CNTN5: variants seen among roughly 807,000 people sequenced by gnomAD.
The protein encoded by CNTN5 is contactin-5.
A neutral mutation model predicts 129.1 loss-of-function variants in CNTN5; 77 were observed. The observed-to-expected ratio is 0.60, with a 90% CI of 0.50 to 0.72. The LOEUF is 0.72. CNTN5 is among the 30% of genes least tolerant of loss of function. The pLI, the probability that CNTN5 is intolerant of heterozygous loss-of-function variation, is 0.00. For synonymous variants in CNTN5, 509 were observed against 465.6 expected, an observed-to-expected ratio of 1.09 and a Z score of -1.20; for missense variants, 1,478 against 1,328.8, an observed-to-expected ratio of 1.11 and a Z score of -1.75.
chr11:99,452,266 T>G (rs1234692934), intron 2 of CNTN5, among the ~76,000 whole-genome samples: 1 of 151,938 alleles, frequency 6.6e-6, no homozygotes, highest in East Asian at 1.9e-4. Flanking sequence ...TAGTGTCTCG[T>G]CAGCACTAAT....
At chr11:100,337,934 A>G (rs993236453) in intron 21 of CNTN5, among the ~76,000 whole-genome samples, 1 of 152,226 alleles carries the variant, frequency 6.6e-6, no homozygotes. Flanking sequence ...TCTCCACAAC[A>G]GGGAGAACCA....
At chr11:99,535,307 T>C (rs1287482084) in intron 2 of CNTN5, among the ~76,000 whole-genome samples, 2 of 152,056 alleles carry the variant, frequency 1.3e-5, no homozygotes, top group East Asian at 1.9e-4. Context: ...ACATGGAAAA[T>C]TTAGGAAGAT....
At chr11:99,866,577 T>A (rs1225088022) in intron 6 of CNTN5, among the ~76,000 whole-genome samples, 1 of 152,208 alleles carries the variant, frequency 6.6e-6, no homozygotes, top group Admixed American at 6.5e-5. Flanking sequence ...TTTGGGACAC[T>A]TGGTACTAAA....
In CNTN5 at chr11:99,102,708, G is replaced by T. The variant is rs139463483; in HGVS notation, c.-210+81438G>T. 7.8e-3 allele frequency among the ~76,000 whole-genome samples: 1,194 copies of T among 152,176 alleles called. 20 individuals are homozygous for T. The highest frequency in any genetic ancestry group is 0.027 in the African/African-American group (1,109 of 41,526). On this transcript the variant is annotated intron_variant, in intron 1 of 24. Transcript: ENST00000524871. ...TTGTCTATATCGTTATCAGCATTTT[G>T]GTCAAAGCCATTCAACAAGTCTCTG...
chr11:99,516,055 T>C (rs1335993643), intron 2 of CNTN5, among the ~76,000 whole-genome samples: 2 of 151,892 alleles, frequency 1.3e-5, no homozygotes, highest in Non-Finnish European at 2.9e-5. Flanking sequence ...GTGGTTCACA[T>C]ATGATTATGT....
At chr11:99,436,519 A>G (rs997577047) in intron 2 of CNTN5, among the ~76,000 whole-genome samples, 4 of 152,102 alleles carry the variant, frequency 2.6e-5, no homozygotes, top group Admixed American at 2.6e-4. Context: ...CAGTTTCCCC[A>G]TCTTGTATCT....
intron 3 of CNTN5, among the ~76,000 whole-genome samples, chr11:99,602,610 C>A (rs977635673): frequency 1.3e-5 from 2 of 151,966 alleles, no homozygotes; most frequent in African/African-American, 4.8e-5. Flanking sequence ...GGTTTGGCTC[C>A]CACTACTTTA....
At position 100,224,954 on chromosome 11, in the gene CNTN5, T is replaced by A. The variant is rs148242654; in HGVS notation, c.2005+142T>A. 2.5e-4 allele frequency: 200 copies of A among 803,798 alleles called. No individual in the cohort carries two copies. In the African/African-American group the frequency reaches 3.0e-3, roughly 12 times the overall value. 49.8% of individuals were successfully genotyped at this position (803,798 alleles called of 1,614,324 possible). On this transcript the variant is annotated intron_variant, in intron 16 of 24. Transcript: ENST00000524871. ...AATATATGTTATTTTCGCTTAACCT[T>A]TTGCCTTTGAAAAAATTACATGGAA...
chr11:100,350,556 T>C, intron 23 of CNTN5, 146 bp from the exon 24 acceptor site: 1 of 538,336 alleles, frequency 1.9e-6, no homozygotes, highest in Non-Finnish European at 3.2e-6. Context: ...TCTACTGCAG[T>C]AGACTGCACA....
intron 7 of CNTN5, among the ~76,000 whole-genome samples, chr11:99,956,564 C>T (rs927261856): frequency 6.6e-6 from 1 of 152,052 alleles, no homozygotes; most frequent in Admixed American, 6.5e-5. Flanking sequence ...GTTCAGTACA[C>T]ATTGGAATTG....
intron 3 of CNTN5, among the ~76,000 whole-genome samples, chr11:99,709,353 A>T (rs562251836): frequency 6.6e-6 from 1 of 151,964 alleles, no homozygotes; most frequent in East Asian, 1.9e-4. Flanking sequence ...AAATTAGGTT[A>T]AATAATGTCA....
rs1400095529 is a variant in CNTN5, at chr11:99,390,010, T to C, written c.-71+64526T>C. Among the ~76,000 whole-genome samples the C allele has an allele frequency of 2.0e-5, 3 of 151,794 alleles. No individual in the cohort carries two copies. In the East Asian group the frequency reaches 5.8e-4, roughly 29 times the overall value. ...ATGAGAATCTAAAGCATGCTTTAAA[T>C]ATCTAATTAGTTCTAATGCATAGCA... On this transcript the variant is annotated intron_variant, in intron 2 of 24. Coordinates refer to ENST00000524871, the MANE Select transcript of CNTN5 (RefSeq NM_014361.4).
At chr11:100,010,059 C>G (rs1018259460) in intron 9 of CNTN5, among the ~76,000 whole-genome samples, 1 of 152,058 alleles carries the variant, frequency 6.6e-6, no homozygotes, top group Admixed American at 6.6e-5. Context: ...ACATCAGGTA[C>G]AATACTCTTG....
chr11:100,214,459 A>G (rs1301890145), intron 15 of CNTN5, among the ~76,000 whole-genome samples: 1 of 152,216 alleles, frequency 6.6e-6, no homozygotes, highest in Non-Finnish European at 1.5e-5. Context: ...TGGCACCATC[A>G]GTCTTCTTCC....
chr11:99,656,379 G>A (rs1170916369), intron 3 of CNTN5, among the ~76,000 whole-genome samples: 1 of 151,914 alleles, frequency 6.6e-6, no homozygotes, highest in African/African-American at 2.4e-5. Flanking sequence ...TCACAAAGTA[G>A]AAACTGTTGG....
At chr11:99,840,440 G>A (rs747604231) in intron 4 of CNTN5, among the ~76,000 whole-genome samples, 3 of 151,772 alleles carry the variant, frequency 2.0e-5, no homozygotes, top group African/African-American at 4.8e-5. Context: ...GAAAATTTAA[G>A]AAGTATACTT....
At chr11:99,029,493 G>A (rs1319180441) in intron 1 of CNTN5, among the ~76,000 whole-genome samples, 1 of 151,962 alleles carries the variant, frequency 6.6e-6, no homozygotes, top group African/African-American at 2.4e-5. Flanking sequence ...AAAAATACCT[G>A]TAAAAGACTG....
At chr11:99,686,855 A>T (rs1953816050) in intron 3 of CNTN5, among the ~76,000 whole-genome samples, 2 of 152,142 alleles carry the variant, frequency 1.3e-5, no homozygotes, top group South Asian at 4.1e-4. Flanking sequence ...CCTTCTTGGT[A>T]TCCTGAGATG....
intron 3 of CNTN5, among the ~76,000 whole-genome samples, chr11:99,642,749 C>T (rs1029871694): frequency 6.6e-6 from 1 of 152,142 alleles, no homozygotes; most frequent in African/African-American, 2.4e-5. Flanking sequence ...TCTCCATCCT[C>T]TTCTCCCCTC....
Sources: gnomAD v4.1 joint callset for allele counts (sites outside exome capture counted in the v4.1 genomes callset) on GRCh38, gnomAD v4.1.1 for gene constraint, MANE v1.5 for transcripts, NCBI Gene and HGNC (gene_info 2026-07-23, HGNC 2026-07-21) for gene names.